The following GPR176 variants were observed in gnomAD, a reference collection of about 807,000 sequenced individuals.
GPR176 encodes G protein-coupled receptor 176.
A neutral mutation model predicts 35.4 loss-of-function variants in GPR176; 26 were observed. That is an observed-to-expected ratio of 0.74 (90% CI 0.54 to 1.02). The LOEUF is 1.02. Among genes scored for constraint, GPR176 ranks in the 50% least tolerant of loss-of-function variants. The pLI is 0.00. For synonymous variants in GPR176, 278 were observed against 271.3 expected (o/e 1.02, Z -0.24); for missense variants, 597 against 665.3 (o/e 0.90, Z 1.13).
intron 1 of GPR176, chr15:39,829,242 G>A (rs926158925): frequency 1.0e-5 from 15 of 1,474,806 alleles, no homozygotes; most frequent in Admixed American, 7.1e-5. Flanking sequence ...AAGATGTGTC[G>A]CTGGAAAAGC....
chr15:39,867,031 CAT>C (rs1393463539), intron 1 of GPR176, among the ~76,000 whole-genome samples: 1 of 152,028 alleles, frequency 6.6e-6, no homozygotes, highest in Non-Finnish European at 1.5e-5. Flanking sequence ...AAAGAGAATT[CAT>C]ATGAGGTATA....
At chr15:39,899,271 A>G (rs1478211786) in intron 1 of GPR176, among the ~76,000 whole-genome samples, 1 of 152,186 alleles carries the variant, frequency 6.6e-6, no homozygotes, top group Non-Finnish European at 1.5e-5. Context: ...GCATGAACCC[A>G]AAGGGGCTGG....
chr15:39,850,467 A>G (rs1294877519), intron 1 of GPR176, among the ~76,000 whole-genome samples: 1 of 152,212 alleles, frequency 6.6e-6, no homozygotes, highest in Non-Finnish European at 1.5e-5. Flanking sequence ...AGTTCCACAT[A>G]CATATGGTAT....
At chr15:39,837,792 A>G (rs1901492781) in intron 1 of GPR176, among the ~76,000 whole-genome samples, 1 of 152,114 alleles carries the variant, frequency 6.6e-6, no homozygotes, top group Non-Finnish European at 1.5e-5. Context: ...GGATAAGAAC[A>G]GTATTTATCT....
In GPR176 at chr15:39,919,864, A is replaced by G; in HGVS notation, c.163T>C (p.Ser55Pro). ...TTVQVVIFIG[S>P]LLGNFMVLWS... Reference sequence around the variant, plus strand: ...CCCGCGGGAGGCTTACCGAGCAGCGAGCCTATGAAGATGACGACCTGCACG... The same window carrying G: ...CCCGCGGGAGGCTTACCGAGCAGCGGGCCTATGAAGATGACGACCTGCACG... Residue 55 changes from serine to proline, a missense_variant, in exon 1 of 3, where the codon TCG becomes CCG. Ser to Pro is a moderately conservative substitution (Grantham distance 74, BLOSUM62 -1). Around this residue, in one of 3 missense-constraint regions of GPR176, gnomAD observed 126 missense variants for 112.4 expected, o/e 1.12. Transcript: ENST00000561100. The G allele has an allele frequency of 6.9e-7, 1 of 1,447,290 alleles. No homozygotes were observed. Among genetic ancestry groups the G allele is most frequent in the South Asian group, 1.5e-5 (1 of 66,930 alleles). The allele number at this position is 1,447,290 out of a possible 1,614,324, so 89.7% of individuals were successfully genotyped here.
At chr15:39,807,541 G>T in intron 1 of GPR176, 1 of 1,521,522 alleles carries the variant, frequency 6.6e-7, no homozygotes, top group Non-Finnish European at 8.8e-7. Flanking sequence ...AGTCTCATCA[G>T]TGTATAAACA....
rs775603868 is a variant in GPR176, at chr15:39,801,627, C to T, written c.1053G>A (p.Gly351=). The T allele has an allele frequency of 1.7e-5, 28 of 1,614,024 alleles. No homozygotes were observed. The South Asian group carries it at 3.0e-4, about 17-fold the overall frequency. Residue 351 remains glycine, a synonymous_variant, in exon 3 of 3, where the codon GGG becomes GGA. Transcript: ENST00000561100. ...RYSRRNVVST[G]SGMAEASLEP... ...CCAGGCTGGCCTCAGCCATGCCACT[C>T]CCTGTACTGACCACATTACGGCGAC...
intron 1 of GPR176, among the ~76,000 whole-genome samples, chr15:39,841,628 G>T (rs1243857496): frequency 6.6e-6 from 1 of 152,100 alleles, no homozygotes; most frequent in Non-Finnish European, 1.5e-5. Context: ...GGGCAAGGAA[G>T]GGTTCCCCCA....
intron 1 of GPR176, among the ~76,000 whole-genome samples, chr15:39,899,155 C>A (rs1022904140): frequency 1.3e-5 from 2 of 152,188 alleles, no homozygotes; most frequent in African/African-American, 4.8e-5. Flanking sequence ...ACCTCCTGGG[C>A]ATGCTCTACC....
intron 1 of GPR176, among the ~76,000 whole-genome samples, chr15:39,894,953 G>A (rs1256364154): frequency 6.6e-6 from 1 of 152,152 alleles, no homozygotes; most frequent in African/African-American, 2.4e-5. Context: ...TGAGCACTGA[G>A]TGAACGAGAC....
rs2032758142 is a variant in GPR176 at position 39,888,695 on chromosome 15, A to T, written c.172+31160T>A. The stretch of plus-strand genomic sequence containing the variant: ...TTTCTTCCCCTACAATGTGTAAATC[A>T]TCTTTCTCTCCAGAGTTCTACCATC... On this transcript the variant is annotated intron_variant, in intron 1 of 2. Coordinates refer to ENST00000561100, the MANE Select transcript of GPR176 (RefSeq NM_007223.3). Among the ~76,000 whole-genome samples, 2 of 152,156 alleles carry T rather than the reference A, an allele frequency of 1.3e-5. 1 individual carries two copies. The highest frequency in any genetic ancestry group is 4.1e-4 in the South Asian group (2 of 4,826).
chr15:39,831,602 C>T (rs1264903679), intron 1 of GPR176, among the ~76,000 whole-genome samples: 1 of 152,142 alleles, frequency 6.6e-6, no homozygotes, highest in African/African-American at 2.4e-5. Flanking sequence ...TCTCAAGCTA[C>T]TTTTGCTCTT....
At chr15:39,879,934 T>G (rs544463525) in intron 1 of GPR176, among the ~76,000 whole-genome samples, 1 of 152,348 alleles carries the variant, frequency 6.6e-6, no homozygotes, top group South Asian at 2.1e-4. Flanking sequence ...ACTCATAGCC[T>G]CTGTCCCACC....
chr15:39,825,822 A>G (rs187101235), intron 1 of GPR176, among the ~76,000 whole-genome samples: 42 of 152,314 alleles, frequency 2.8e-4, no homozygotes, highest in Non-Finnish European at 1.0e-4. Flanking sequence ...GGAGACCCAG[A>G]AGGAGTAGTC....
rs1192933475 is a variant in GPR176 at position 39,801,074 on chromosome 15, C to A, written c.*58G>T. ...ATACAATCACATGGCCACAGCATTC[C>A]CACACTCTGGTGGGAATATGGAAGC... On this transcript the variant is annotated 3_prime_UTR_variant, in exon 3 of 3. Coordinates refer to ENST00000561100, the MANE Select transcript of GPR176 (RefSeq NM_007223.3). 6.9e-7 allele frequency: 1 copy of A among 1,449,634 alleles called. No individual in the cohort carries two copies. The highest frequency in any genetic ancestry group is 1.4e-5 in the African/African-American group (1 of 70,738). The allele number at this position is 1,449,634 out of a possible 1,614,324, so 89.8% of individuals were successfully genotyped here.
In GPR176 at chr15:39,894,489, T is replaced by TC. The variant is rs1324004750; in HGVS notation, c.172+25365dup. ...CGGGGCGGTTGCCGGGCAGAGGGTC[T>TC]CCTCACTTCTCAGAGGGGGCGGCAG... On this transcript the variant is annotated intron_variant, in intron 1 of 2. Transcript: ENST00000561100. The TC allele has an allele frequency of 3.0e-5, 5 of 167,598 alleles. No homozygotes were observed. The East Asian group carries it at 5.7e-4, about 19-fold the overall frequency. 10.4% of individuals were successfully genotyped at this position (167,598 alleles called of 1,614,324 possible).
chr15:39,873,355 G>C (rs2032119933), intron 1 of GPR176, among the ~76,000 whole-genome samples: 1 of 152,182 alleles, frequency 6.6e-6, no homozygotes, highest in African/African-American at 2.4e-5. Flanking sequence ...GACTACAGCA[G>C]TGGCAAGTGA....
chr15:39,810,251 T>C (rs1332013769), intron 1 of GPR176, among the ~76,000 whole-genome samples: 4 of 152,070 alleles, frequency 2.6e-5, no homozygotes, highest in Non-Finnish European at 5.9e-5. Flanking sequence ...GCCCTGAACT[T>C]AAATAAAAGT....
At chr15:39,912,261 T>C (rs2033597652) in intron 1 of GPR176, among the ~76,000 whole-genome samples, 1 of 152,152 alleles carries the variant, frequency 6.6e-6, no homozygotes, top group African/African-American at 2.4e-5. Context: ...AATGCCTCTG[T>C]TTTTGCGCTA....
Sources: gnomAD v4.1 joint callset for allele counts (sites outside exome capture counted in the v4.1 genomes callset) on GRCh38, gnomAD v4.1.1 for gene constraint, gnomAD v4.1.1 regional missense constraint, MANE v1.5 for transcripts, NCBI Gene and HGNC (gene_info 2026-07-23, HGNC 2026-07-21) for gene names.